The following TBX15 variants were observed in gnomAD, a reference collection of about 807,000 sequenced individuals.
TBX15 encodes the protein T-box transcription factor 15.
Under a neutral mutation model 53.9 loss-of-function variants are expected in TBX15, and 18 were observed. The ratio of observed to expected loss-of-function variants is 0.33; its 90% CI spans 0.23 to 0.49. The LOEUF (loss-of-function observed/expected upper bound fraction) is 0.49. Among genes scored for constraint, TBX15 ranks in the 20% least tolerant of loss-of-function variants. The pLI is 0.98. For synonymous variants in TBX15, 295 were observed against 278.0 expected, an observed-to-expected ratio of 1.06 and a Z score of -0.61; for missense variants, 692 against 749.5, an observed-to-expected ratio of 0.92 and a Z score of 0.90.
chr1:118,986,643 C>A (rs768761578), intron 1 of TBX15, among the ~76,000 whole-genome samples: 5 of 152,188 alleles, frequency 3.3e-5, no homozygotes, highest in Non-Finnish European at 5.9e-5. Flanking sequence ...GGCTTGTCAG[C>A]GTGTGAAGCG....
chr1:118,910,456 T>C lies in TBX15; in HGVS notation c.926+3659A>G, dbSNP rs187121862. Among the ~76,000 whole-genome samples, 15 of 152,216 alleles carry C rather than the reference T, an allele frequency of 9.9e-5. No individual in the cohort carries two copies. The East Asian group carries it at 1.9e-3, about 20-fold the overall frequency. ...TGTTTTACCACAGAAGGGCAATAGATGAGGTGCTTGATGGAAGGTGGTGAA... is the reference window on the plus strand; with the variant it reads ...TGTTTTACCACAGAAGGGCAATAGACGAGGTGCTTGATGGAAGGTGGTGAA... On this transcript the variant is annotated intron_variant, in intron 6 of 7. Transcript: ENST00000369429.
At chr1:118,960,689 GC>G (rs1007443661) in intron 1 of TBX15, among the ~76,000 whole-genome samples, 1 of 152,216 alleles carries the variant, frequency 6.6e-6, no homozygotes, top group African/African-American at 2.4e-5. Flanking sequence ...TACTGAGTGA[GC>G]CGGCAGAGTC....
chr1:118,942,462 ATCTTGAATGCTAT>A (rs1656213508), intron 1 of TBX15, among the ~76,000 whole-genome samples: 2 of 152,220 alleles, frequency 1.3e-5, no homozygotes, highest in African/African-American at 4.8e-5. Flanking sequence ...CAGATGAAGA[ATCTTGAATGCTAT>A]TCTTCTCATC....
At chr1:118,898,716 C>T (rs1160229478) in intron 7 of TBX15, among the ~76,000 whole-genome samples, 1 of 152,150 alleles carries the variant, frequency 6.6e-6, no homozygotes. Context: ...TTAAAAAAAT[C>T]TCTTCAAATA....
intron 1 of TBX15, among the ~76,000 whole-genome samples, chr1:118,962,051 T>C (rs764472071): frequency 3.9e-4 from 59 of 152,248 alleles, no homozygotes; most frequent in Non-Finnish European, 5.3e-4. Flanking sequence ...ATTTATATCA[T>C]GAGGATATGC....
At chr1:118,949,701 C>G (rs1656454775) in intron 1 of TBX15, among the ~76,000 whole-genome samples, 1 of 152,218 alleles carries the variant, frequency 6.6e-6, no homozygotes, top group African/African-American at 2.4e-5. Flanking sequence ...GCCCTTGAGT[C>G]TGAGGATAAG....
intron 1 of TBX15, among the ~76,000 whole-genome samples, chr1:118,957,295 C>A (rs1289877937): frequency 1.3e-5 from 2 of 152,072 alleles, no homozygotes; most frequent in Non-Finnish European, 2.9e-5. Context: ...TCAGACCTTG[C>A]CCCTTTGACT....
chr1:118,927,571 G>A (rs1341957875), intron 2 of TBX15, among the ~76,000 whole-genome samples: 1 of 152,138 alleles, frequency 6.6e-6, no homozygotes, highest in Non-Finnish European at 1.5e-5. Flanking sequence ...GTGTGTCAGA[G>A]GAAGGACCCT....
intron 5 of TBX15, among the ~76,000 whole-genome samples, chr1:118,919,656 AT>A (rs1338852315): frequency 1.3e-5 from 2 of 152,236 alleles, no homozygotes; most frequent in Non-Finnish European, 2.9e-5. Context: ...ATTCAGTTTC[AT>A]TTCAGTCATT....
At chr1:118,936,724 C>CAA (rs1326165337) in intron 1 of TBX15, among the ~76,000 whole-genome samples, 2 of 152,234 alleles carry the variant, frequency 1.3e-5, no homozygotes, top group East Asian at 3.9e-4. Flanking sequence ...ACTGTACATG[C>CAA]AAAACATCAC....
chr1:118,923,437 T>A lies in TBX15; in HGVS notation c.860A>T (p.Gln287Leu). ...FTTVTAYQNQQITRLKIDRNP... is the reference protein window; with the variant it reads ...FTTVTAYQNQLITRLKIDRNP... Reference sequence around the variant, plus strand: ...AGACTCTCAAGGGCCACCTCTTACCTGCTGATTCTGATAGGCCGTAACTGT... The same window carrying A: ...AGACTCTCAAGGGCCACCTCTTACCAGCTGATTCTGATAGGCCGTAACTGT... The change falls in exon 5 of 8, where the codon CAG (glutamine) becomes CTG (leucine). Residue 287 changes from glutamine (Q) to leucine (L), a missense_variant and splice_region_variant. By Grantham distance (113) the Gln-to-Leu change is moderately radical. Coordinates refer to ENST00000369429, the MANE Select transcript of TBX15 (RefSeq NM_001330677.2). 1.9e-6 allele frequency: 3 copies of A among 1,613,840 alleles called. 1 individual carries two copies. The South Asian group carries it at 3.3e-5, about 18-fold the overall frequency.
At position 118,898,234 on chromosome 1, in the gene TBX15, T is replaced by C. The variant is rs536791979; in HGVS notation, c.1024+794A>G. On this transcript the variant is annotated intron_variant, in intron 7 of 7. Coordinates refer to ENST00000369429, the MANE Select transcript of TBX15 (RefSeq NM_001330677.2). ...TCTATGCTTTTAATCACTACACTCA[T>C]CTTAAAACCTGACAGATTTCAGCAA... Among the ~76,000 whole-genome samples, 89 of 152,262 alleles carry C rather than the reference T, an allele frequency of 5.8e-4. 1 individual carries two copies. The highest frequency in any genetic ancestry group is 1.9e-3 in the African/African-American group (77 of 41,570).
At chr1:118,955,129 T>G (rs1425383118) in intron 1 of TBX15, among the ~76,000 whole-genome samples, 1 of 152,170 alleles carries the variant, frequency 6.6e-6, no homozygotes, top group Non-Finnish European at 1.5e-5. Context: ...TGCCTATACC[T>G]CACCATGGAA....
At chr1:118,899,567 C>T (rs1472064499) in intron 6 of TBX15, among the ~76,000 whole-genome samples, 1 of 152,092 alleles carries the variant, frequency 6.6e-6, no homozygotes, top group East Asian at 1.9e-4. Context: ...TGGGTATGTA[C>T]AGAACGAATG....
At chr1:118,938,696 T>A (rs1656045132) in intron 1 of TBX15, among the ~76,000 whole-genome samples, 1 of 152,212 alleles carries the variant, frequency 6.6e-6, no homozygotes, top group Admixed American at 6.5e-5. Flanking sequence ...CCATTCTGAC[T>A]GGTGTGAGAT....
intron 4 of TBX15, among the ~76,000 whole-genome samples, 170 bp downstream of exon 4, chr1:118,924,476 A>G (rs777627943): frequency 2.0e-5 from 3 of 152,218 alleles, no homozygotes; most frequent in Non-Finnish European, 4.4e-5. Context: ...TAGATTTGTA[A>G]TAAATGGAAT....
chr1:118,979,816 G>T (rs1657586030), intron 1 of TBX15, among the ~76,000 whole-genome samples: 3 of 152,188 alleles, frequency 2.0e-5, no homozygotes, highest in Admixed American at 2.0e-4. Context: ...ATAACCCCGG[G>T]CGCACGCGGC....
chr1:118,885,836 C>A (rs1258682883), intron 7 of TBX15, among the ~76,000 whole-genome samples: 1 of 152,212 alleles, frequency 6.6e-6, no homozygotes, highest in Non-Finnish European at 1.5e-5. Context: ...TTCCAAGATT[C>A]ACGTTGCCAT....
intron 1 of TBX15, among the ~76,000 whole-genome samples, chr1:118,981,554 C>T (rs1163839172): frequency 6.6e-6 from 1 of 152,174 alleles, no homozygotes; most frequent in Non-Finnish European, 1.5e-5. Context: ...ATTTGCAAGG[C>T]CTGTTTTCAC....
Sources: gnomAD v4.1 joint callset for allele counts (sites outside exome capture counted in the v4.1 genomes callset) on GRCh38, gnomAD v4.1.1 for gene constraint, MANE v1.5 for transcripts, NCBI Gene and HGNC (gene_info 2026-07-23, HGNC 2026-07-21) for gene names.